The following EYA1 variants were observed in gnomAD, a reference collection of about 807,000 sequenced individuals.
EYA1 encodes EYA transcriptional coactivator and phosphatase 1.
EYA1 carries 16 observed loss-of-function variants against 82.0 expected under a neutral mutation model. The ratio of observed to expected loss-of-function variants is 0.20; its 90% CI spans 0.13 to 0.30. The LOEUF (loss-of-function observed/expected upper bound fraction) is 0.30. EYA1 is among the 10% of genes least tolerant of loss of function. EYA1 has a pLI of 1.00. For missense variants in EYA1, 633 were observed against 730.7 expected (o/e 0.87, Z 1.54); for synonymous variants, 261 against 264.4 (o/e 0.99, Z 0.12).
chr8:71,304,389 T>C (rs558712957), intron 7 of EYA1, among the ~76,000 whole-genome samples: 1 of 142,690 alleles, frequency 7.0e-6, no homozygotes, highest in African/African-American at 2.5e-5. Flanking sequence ...TATAGTAAAT[T>C]GCATCTCAGA....
At chr8:71,453,775 A>T (rs1159881686) in intron 2 of EYA1, among the ~76,000 whole-genome samples, 3 of 152,196 alleles carry the variant, frequency 2.0e-5, no homozygotes, top group Non-Finnish European at 2.9e-5. Flanking sequence ...AGGAAACACT[A>T]AACATGGAAA....
chr8:71,372,275 G>A (rs1448370852), intron 2 of EYA1, among the ~76,000 whole-genome samples: 1 of 152,126 alleles, frequency 6.6e-6, no homozygotes, highest in Non-Finnish European at 1.5e-5. Flanking sequence ...CTAGAAAGTA[G>A]TAAAGCAATG....
Position 71,417,434 on chromosome 8 carries a change from T to C in EYA1, c.34-60923A>G, listed in dbSNP as rs971123642. ...CTAGAAATTAGAACATGGACAAGTT[T>C]AGAAAGCCATTTTTTGCCTACTAAA... On this transcript the variant is annotated intron_variant, in intron 2 of 18. Coordinates refer to the EYA1 transcript ENST00000643681. 2.0e-5 allele frequency among the ~76,000 whole-genome samples: 3 copies of C among 152,224 alleles called. No individual in the cohort carries two copies. The East Asian group carries it at 5.8e-4, about 29-fold the overall frequency.
At chr8:71,418,113 A>G (rs1830951096) in intron 2 of EYA1, among the ~76,000 whole-genome samples, 1 of 152,002 alleles carries the variant, frequency 6.6e-6, no homozygotes, top group Non-Finnish European at 1.5e-5. Context: ...CACTCCTCAC[A>G]CTGAGTCCTG....
At chr8:71,508,055 C>T (rs927570546) in intron 2 of EYA1, among the ~76,000 whole-genome samples, 2 of 152,154 alleles carry the variant, frequency 1.3e-5, no homozygotes, top group Admixed American at 6.5e-5. Context: ...AGGAAAAGTG[C>T]CTTCTGCTTA....
chr8:71,423,185 CCAA>C (rs1256524703), intron 2 of EYA1, among the ~76,000 whole-genome samples: 2 of 152,012 alleles, frequency 1.3e-5, no homozygotes, highest in African/African-American at 2.4e-5. Flanking sequence ...TGCTATCATT[CCAA>C]AAGTTTAGAA....
In EYA1 at chr8:71,210,287, A is replaced by G. The variant is rs192598438; in HGVS notation, c.1698+869T>C. ...ACAGAAAAGGTAGTACATGAATTAA[A>G]TTTTGCAAATGAATAAGACAATGAC... On this transcript the variant is annotated intron_variant, in intron 17 of 17. Coordinates refer to ENST00000340726, the MANE Select transcript of EYA1 (RefSeq NM_000503.6). Among the ~76,000 whole-genome samples, 32 of 152,368 alleles carry G rather than the reference A, an allele frequency of 2.1e-4. 2 individuals are homozygous for G. Among genetic ancestry groups the G allele is most frequent in the African/African-American group, 7.2e-4 (30 of 41,586 alleles).
At chr8:71,498,614 C>T (rs1160876060) in intron 2 of EYA1, among the ~76,000 whole-genome samples, 2 of 152,146 alleles carry the variant, frequency 1.3e-5, no homozygotes, top group Non-Finnish European at 2.9e-5. Flanking sequence ...CAGCCAAGGG[C>T]CCTCACAGGA....
At chr8:71,308,418 C>T (rs1179210867) in intron 7 of EYA1, among the ~76,000 whole-genome samples, 1 of 152,140 alleles carries the variant, frequency 6.6e-6, no homozygotes, top group East Asian at 1.9e-4. Context: ...TTCTTCTTAT[C>T]AATGTTGGCT....
chr8:71,296,189 T>G (rs918537703), intron 9 of EYA1, among the ~76,000 whole-genome samples: 11 of 152,198 alleles, frequency 7.2e-5, no homozygotes, highest in Non-Finnish European at 1.6e-4. Flanking sequence ...CAAGTTATAT[T>G]ATTTTTAACG....
In EYA1 at chr8:71,221,093, C is replaced by A. The variant is rs184932937; in HGVS notation, c.1141-4070G>T. Reference sequence around the variant, plus strand: ...CATTCTATTTAGCCAGAGAGAGTTGCAAAGGTCTGAAGAATTAAAATTATA... The same window carrying A: ...CATTCTATTTAGCCAGAGAGAGTTGAAAAGGTCTGAAGAATTAAAATTATA... On this transcript the variant is annotated intron_variant, in intron 12 of 17. Coordinates refer to ENST00000340726, the MANE Select transcript of EYA1 (RefSeq NM_000503.6). Among the ~76,000 whole-genome samples, 17 of 152,262 alleles carry A rather than the reference C, an allele frequency of 1.1e-4. No individual in the cohort carries two copies. In the East Asian group the frequency reaches 3.3e-3, roughly 29 times the overall value.
At chr8:71,516,082 G>A (rs1812957195) in intron 2 of EYA1, among the ~76,000 whole-genome samples, 1 of 152,024 alleles carries the variant, frequency 6.6e-6, no homozygotes, top group Non-Finnish European at 1.5e-5. Context: ...GTTACACATG[G>A]AAGACTGTAA....
intron 7 of EYA1, among the ~76,000 whole-genome samples, chr8:71,305,668 A>AATAT (rs1820652994): frequency 2.0e-5 from 3 of 151,020 alleles, no homozygotes; most frequent in South Asian, 2.1e-4. Flanking sequence ...TAAATAAATA[A>AATAT]ATAAATAATT....
intron 7 of EYA1, among the ~76,000 whole-genome samples, chr8:71,304,158 A>C (rs1820486804): frequency 7.0e-6 from 1 of 143,060 alleles, no homozygotes; most frequent in South Asian, 2.3e-4. Context: ...AGTGACAAGA[A>C]CAAATAATAA....
At chr8:71,523,566 A>G (rs2129273808) in intron 2 of EYA1, among the ~76,000 whole-genome samples, 1 of 152,306 alleles carries the variant, frequency 6.6e-6, no homozygotes, top group East Asian at 1.9e-4. Context: ...TTGTCCTAAA[A>G]AGTTAATGTA....
At chr8:71,243,253 G>A (rs1812702646) in intron 12 of EYA1, among the ~76,000 whole-genome samples, 1 of 152,112 alleles carries the variant, frequency 6.6e-6, no homozygotes, top group South Asian at 2.1e-4. Context: ...ACTTAGGAAA[G>A]GCATTTTTTA....
At chr8:71,448,200 A>G (rs1807054811) in intron 2 of EYA1, among the ~76,000 whole-genome samples, 1 of 151,782 alleles carries the variant, frequency 6.6e-6, no homozygotes, top group African/African-American at 2.4e-5. Context: ...GCACAATAGG[A>G]CTTCTCGCAA....
At chr8:71,485,536 CA>C (rs1810495303) in intron 2 of EYA1, among the ~76,000 whole-genome samples, 1 of 151,464 alleles carries the variant, frequency 6.6e-6, no homozygotes, top group African/African-American at 2.4e-5. Flanking sequence ...ACAGATTTTA[CA>C]AGAATAAAAG....
chr8:71,248,624 A>C (rs1813387631), intron 11 of EYA1, among the ~76,000 whole-genome samples: 3 of 152,184 alleles, frequency 2.0e-5, no homozygotes, highest in African/African-American at 7.2e-5. Context: ...AAGCCATCTC[A>C]CCCTGAGTGT....
Sources: gnomAD v4.1 joint callset for allele counts (sites outside exome capture counted in the v4.1 genomes callset) on GRCh38, gnomAD v4.1.1 for gene constraint, MANE v1.5 for transcripts, NCBI Gene and HGNC (gene_info 2026-07-23, HGNC 2026-07-21) for gene names.